SRBD1: variants seen among roughly 807,000 people sequenced by gnomAD.
The protein encoded by SRBD1 is S1 RNA-binding domain-containing protein 1.
SRBD1 carries 88 observed loss-of-function variants against 115.3 expected under a neutral mutation model. That is an observed-to-expected ratio of 0.76 (90% CI 0.64 to 0.91). The LOEUF is 0.91. Ranked by LOEUF, SRBD1 falls within the 40% of genes least tolerant of loss-of-function variation. The pLI, the probability that SRBD1 is intolerant of heterozygous loss-of-function variation, is 0.00. For synonymous variants in SRBD1, 509 were observed against 407.7 expected (o/e 1.25, Z -2.99); for missense variants, 1,385 against 1,177.4 (o/e 1.18, Z -2.58).
At chr2:45,546,680 C>T in intron 14 of SRBD1, 52 bp downstream of exon 14, 1 of 1,573,608 alleles carries the variant, frequency 6.4e-7, no homozygotes, top group Non-Finnish European at 8.7e-7. Flanking sequence ...ACAAAAGCAA[C>T]TTTAAAGTTC....
intron 14 of SRBD1, among the ~76,000 whole-genome samples, chr2:45,502,050 G>A (rs1670648985): frequency 6.6e-6 from 1 of 152,192 alleles, no homozygotes; most frequent in African/African-American, 2.4e-5. Context: ...AGTAGGGGCA[G>A]ACTGACACCT....
intron 14 of SRBD1, among the ~76,000 whole-genome samples, chr2:45,509,122 A>C (rs943948554): frequency 2.0e-5 from 3 of 152,190 alleles, no homozygotes; most frequent in Non-Finnish European, 2.9e-5. Context: ...GAAGCAACAT[A>C]ACTAATTGAT....
intron 16 of SRBD1, among the ~76,000 whole-genome samples, chr2:45,424,504 C>T (rs1668095673): frequency 1.3e-5 from 2 of 152,046 alleles, no homozygotes; most frequent in Admixed American, 6.5e-5. Flanking sequence ...CATGAACAGC[C>T]CATATCTATA....
At chr2:45,604,460 G>C (rs1489966741) in intron 2 of SRBD1, among the ~76,000 whole-genome samples, 2 of 152,114 alleles carry the variant, frequency 1.3e-5, no homozygotes. Flanking sequence ...GAGAAGAGAA[G>C]TTAAAGGGAC....
chr2:45,506,532 C>A (rs945085579), intron 14 of SRBD1, among the ~76,000 whole-genome samples: 1 of 152,166 alleles, frequency 6.6e-6, no homozygotes, highest in African/African-American at 2.4e-5. Context: ...TTATTCCCCA[C>A]TGACATTTAT....
rs1267217385 is a variant in SRBD1, at chr2:45,553,625, G to C, written c.1515C>G (p.Phe505Leu). ...RLIYPLLCRE[F>L]RAKLTSDAEK... Reference sequence around the variant, plus strand: ...ATTAAACAAGACAAGATATATACCTGAATTCTCTACAGAGAAGAGGATAAA... The same window carrying C: ...ATTAAACAAGACAAGATATATACCTCAATTCTCTACAGAGAAGAGGATAAA... The change falls in exon 11 of 21, where the codon TTC (phenylalanine) becomes TTG (leucine). Residue 505 changes from phenylalanine to leucine, a missense_variant and splice_region_variant. Transcript: ENST00000263736. The C allele has an allele frequency of 6.4e-7, 1 of 1,571,514 alleles. No homozygotes were observed. Among genetic ancestry groups the C allele is most frequent in the Non-Finnish European group, 8.6e-7 (1 of 1,159,420 alleles).
At chr2:45,494,031 A>C (rs1326545095) in intron 14 of SRBD1, among the ~76,000 whole-genome samples, 1 of 152,130 alleles carries the variant, frequency 6.6e-6, no homozygotes, top group African/African-American at 2.4e-5. Context: ...CAAAAAAATT[A>C]AACTGCACTA....
At chr2:45,491,215 AT>A (rs1328628332) in intron 14 of SRBD1, among the ~76,000 whole-genome samples, 1 of 152,172 alleles carries the variant, frequency 6.6e-6, no homozygotes, top group Admixed American at 6.5e-5. Flanking sequence ...TTGATGGGAA[AT>A]TTTCCAATAA....
chr2:45,405,831 G>A (rs17033619), intron 19 of SRBD1, among the ~76,000 whole-genome samples: 1 of 152,066 alleles, frequency 6.6e-6, no homozygotes, highest in African/African-American at 2.4e-5. Flanking sequence ...TAAAGGACTG[G>A]GAGAAAGCAG....
At chr2:45,467,986 C>T (rs1669539480) in intron 16 of SRBD1, among the ~76,000 whole-genome samples, 1 of 152,022 alleles carries the variant, frequency 6.6e-6, no homozygotes, top group African/African-American at 2.4e-5. Context: ...TAAGCAACAC[C>T]AACCAGTTTA....
At chr2:45,610,854 G>A (rs1431980448) in intron 1 of SRBD1, among the ~76,000 whole-genome samples, 2 of 152,066 alleles carry the variant, frequency 1.3e-5, no homozygotes, top group Admixed American at 6.5e-5. Flanking sequence ...CGTGAATCCG[G>A]GAGGCGGAGC....
At chr2:45,448,478 C>T (rs1300342853) in intron 16 of SRBD1, among the ~76,000 whole-genome samples, 2 of 152,136 alleles carry the variant, frequency 1.3e-5, no homozygotes, top group Non-Finnish European at 2.9e-5. Context: ...GCATTAGGCA[C>T]AGAGCTGGAA....
At chr2:45,457,194 C>T (rs1669181184) in intron 16 of SRBD1, among the ~76,000 whole-genome samples, 1 of 151,914 alleles carries the variant, frequency 6.6e-6, no homozygotes, top group South Asian at 2.1e-4. Context: ...AAGAAGGCCA[C>T]TGGAATAAGG....
intron 16 of SRBD1, among the ~76,000 whole-genome samples, chr2:45,466,062 A>G (rs1329898592): frequency 2.0e-5 from 3 of 152,228 alleles, no homozygotes; most frequent in Non-Finnish European, 1.5e-5. Context: ...AAGTGGAAAC[A>G]GCCTACCCTC....
chr2:45,532,918 G>A (rs1215044506), intron 14 of SRBD1, among the ~76,000 whole-genome samples: 5 of 151,912 alleles, frequency 3.3e-5, no homozygotes, highest in African/African-American at 1.2e-4. Context: ...CAAAAGAAAA[G>A]GATCTCAACA....
chr2:45,456,652 T>C lies in SRBD1; in HGVS notation c.2049+20341A>G, dbSNP rs914168468. Among the ~76,000 whole-genome samples, 3 of 152,036 alleles carry C rather than the reference T, an allele frequency of 2.0e-5. No individual in the cohort carries two copies. In the South Asian group the frequency reaches 6.2e-4, roughly 32 times the overall value. Reference sequence around the variant, plus strand: ...AACACTTATTTTAAATAGCCCCAAATTACATACAGTTGAGTAAATTTTAAT... The same window carrying C: ...AACACTTATTTTAAATAGCCCCAAACTACATACAGTTGAGTAAATTTTAAT... On this transcript the variant is annotated intron_variant, in intron 16 of 20. Transcript: ENST00000263736.
intron 15 of SRBD1, among the ~76,000 whole-genome samples, chr2:45,480,312 C>A (rs944723521): frequency 1.3e-5 from 2 of 152,072 alleles, no homozygotes; most frequent in African/African-American, 4.8e-5. Context: ...AGGATCTGGG[C>A]AAAGTACGTT....
intron 12 of SRBD1, among the ~76,000 whole-genome samples, 164 bp downstream of exon 12, chr2:45,550,961 G>T (rs1025564932): frequency 1.3e-5 from 2 of 152,106 alleles, no homozygotes; most frequent in Non-Finnish European, 2.9e-5. Flanking sequence ...ACAAATGAGA[G>T]AAAAATGAAG....
intron 10 of SRBD1, among the ~76,000 whole-genome samples, 166 bp from the exon 11 acceptor site, chr2:45,553,896 A>G (rs1444591218): frequency 6.6e-6 from 1 of 152,214 alleles, no homozygotes; most frequent in Non-Finnish European, 1.5e-5. Flanking sequence ...AATTATTACT[A>G]TGACATCTGG....
Sources: gnomAD v4.1 joint callset for allele counts (sites outside exome capture counted in the v4.1 genomes callset) on GRCh38, gnomAD v4.1.1 for gene constraint, MANE v1.5 for transcripts, NCBI Gene and HGNC (gene_info 2026-07-23, HGNC 2026-07-21) for gene names.